Variants in NT5C2 observed in about 807,000 individuals in gnomAD.
The protein encoded by NT5C2 is cytosolic purine 5'-nucleotidase.
A neutral mutation model predicts 76.1 loss-of-function variants in NT5C2; 58 were observed. That is an observed-to-expected ratio of 0.76 (90% confidence interval 0.62 to 0.95). The LOEUF (loss-of-function observed/expected upper bound fraction) is 0.95, where lower values mean the gene tolerates loss of function less well. Among genes scored for constraint, NT5C2 ranks in the 40% least tolerant of loss-of-function variants. The pLI, the probability that NT5C2 is intolerant of heterozygous loss-of-function variation, is 0.00. For synonymous variants in NT5C2, 229 were observed against 237.4 expected (o/e 0.96, Z 0.32); for missense variants, 478 against 690.3 (o/e 0.69, Z 3.45).
intron 1 of NT5C2, among the ~76,000 whole-genome samples, chr10:103,184,658 A>C (rs936297905): frequency 6.6e-6 from 1 of 152,234 alleles, no homozygotes; most frequent in Non-Finnish European, 1.5e-5. Context: ...TTTTTGTGTA[A>C]GCCTGAAAAT....
chr10:103,155,643 C>A (rs1465851683), intron 3 of NT5C2, among the ~76,000 whole-genome samples: 1 of 152,118 alleles, frequency 6.6e-6, no homozygotes, highest in Non-Finnish European at 1.5e-5. Flanking sequence ...GAGCCATGAT[C>A]ACACCACTGC....
At chr10:103,178,191 C>G (rs551029005) in intron 2 of NT5C2, among the ~76,000 whole-genome samples, 1 of 152,200 alleles carries the variant, frequency 6.6e-6, no homozygotes. Flanking sequence ...TTAATCCACA[C>G]GTCTCATCAT....
At position 103,088,472 on chromosome 10, in the gene NT5C2, C is replaced by T. The variant is rs1289743999; in HGVS notation, c.*1200G>A. 6.6e-6 allele frequency: 1 copy of T among 152,302 alleles called. No homozygotes were observed. The highest frequency in any genetic ancestry group is 1.5e-5 in the Non-Finnish European group (1 of 68,104). 9.4% of individuals were successfully genotyped at this position (152,302 alleles called of 1,614,324 possible). ...CAATCCTGGCTCACTGCAACCTCCG[C>T]CTCCTGGGTTCAAGCAATTCTCCTG... On this transcript the variant is annotated 3_prime_UTR_variant, in exon 19 of 19. Transcript: ENST00000404739.
intron 2 of NT5C2, chr10:103,175,683 G>T: frequency 4.2e-6 from 1 of 236,396 alleles, no homozygotes; most frequent in Non-Finnish European, 8.7e-6. Context: ...TCTCCCAAGG[G>T]TGAAGGAGTG....
At chr10:103,093,670 G>A (rs1208464922) in intron 14 of NT5C2, 2 of 395,926 alleles carry the variant, frequency 5.1e-6, no homozygotes, top group Non-Finnish European at 9.1e-6. Flanking sequence ...GGAACTCCTT[G>A]AGAAACCCTT....
At chr10:103,124,566 G>A (rs189005326) in intron 4 of NT5C2, among the ~76,000 whole-genome samples, 2 of 152,090 alleles carry the variant, frequency 1.3e-5, no homozygotes, top group African/African-American at 2.4e-5. Context: ...GACAAAGAGT[G>A]CACTAGTCAC....
At position 103,156,862 on chromosome 10, in the gene NT5C2, C is replaced by G. The variant is rs779493663; in HGVS notation, c.102-17383G>C. Among the ~76,000 whole-genome samples, 13 of 151,592 alleles carry G rather than the reference C, an allele frequency of 8.6e-5. No homozygotes were observed. In the Middle Eastern group the frequency reaches 0.017, roughly 201 times the overall value. On this transcript the variant is annotated intron_variant, in intron 3 of 18. Coordinates refer to ENST00000404739, the MANE Select transcript of NT5C2 (RefSeq NM_001351169.2). Reference sequence around the variant, plus strand: ...CACGAGGTCAGGAGATGGAGACCATCCTGGCTAGCACAGTGAAATCCCATC... The same window carrying G: ...CACGAGGTCAGGAGATGGAGACCATGCTGGCTAGCACAGTGAAATCCCATC...
chr10:103,116,571 TTTC>T (rs1448371722), intron 4 of NT5C2, among the ~76,000 whole-genome samples: 107 of 148,668 alleles, frequency 7.2e-4, no homozygotes, highest in African/African-American at 2.5e-3. Flanking sequence ...TTCAGATTTT[TTTC>T]TTTTTTTTTT....
chr10:103,193,225 G>C lies in NT5C2; in HGVS notation c.-169+11C>G, dbSNP rs1305536496. ...CCTTCCCCGCCCGCCCACGGGGCCC[G>C]CCGCACTCACCGGCTCCAGCGCACC... On this transcript the variant is annotated intron_variant, in intron 1 of 18. Coordinates refer to ENST00000404739, the MANE Select transcript of NT5C2 (RefSeq NM_001351169.2). 2.7e-5 allele frequency: 4 copies of C among 150,650 alleles called. No homozygotes were observed. Among genetic ancestry groups the C allele is most frequent in the East Asian group, 2.0e-4 (1 of 5,060 alleles). The allele number at this position is 150,650 out of a possible 1,614,324, so 9.3% of individuals were successfully genotyped here.
chr10:103,116,581 T>C (rs2074384618), intron 4 of NT5C2, among the ~76,000 whole-genome samples: 1 of 133,870 alleles, frequency 7.5e-6, no homozygotes, highest in African/African-American at 2.8e-5. Flanking sequence ...TTTCTTTTTT[T>C]TTTTTCTTTT....
chr10:103,105,600 A>T (rs1310725154), intron 6 of NT5C2, 106 bp downstream of exon 6: 28 of 793,658 alleles, frequency 3.5e-5, no homozygotes, highest in Non-Finnish European at 5.4e-5. Context: ...TTTGCTCTTT[A>T]ATGATGAAAA....
intron 4 of NT5C2, among the ~76,000 whole-genome samples, chr10:103,111,056 G>C (rs116134192): frequency 6.8e-4 from 104 of 152,280 alleles, no homozygotes; most frequent in African/African-American, 2.4e-3. Context: ...TATCTCCTCA[G>C]ACTTAGAGCT....
intron 2 of NT5C2, among the ~76,000 whole-genome samples, chr10:103,178,734 G>A (rs532921598): frequency 6.6e-6 from 1 of 150,800 alleles, no homozygotes; most frequent in South Asian, 2.1e-4. Flanking sequence ...GGTGGCTGAC[G>A]CAGGAGAATC....
chr10:103,161,480 C>T (rs2084872101), intron 3 of NT5C2, among the ~76,000 whole-genome samples: 2 of 152,148 alleles, frequency 1.3e-5, no homozygotes, highest in Admixed American at 1.3e-4. Context: ...CTGTGCCTGA[C>T]CAATAGAATA....
At chr10:103,098,606 C>A (rs2068775981) in intron 10 of NT5C2, 1 of 232,984 alleles carries the variant, frequency 4.3e-6, no homozygotes, top group Admixed American at 5.6e-5. Flanking sequence ...TGCATGTAAT[C>A]ACTTAGCATG....
intron 3 of NT5C2, among the ~76,000 whole-genome samples, chr10:103,142,554 C>G (rs1219387863): frequency 5.9e-5 from 9 of 152,022 alleles, no homozygotes; most frequent in Non-Finnish European, 1.3e-4. Context: ...GCCTGTAGTC[C>G]CAGTTACTCG....
intron 3 of NT5C2, among the ~76,000 whole-genome samples, chr10:103,173,112 G>A (rs891052554): frequency 9.2e-5 from 14 of 152,142 alleles, no homozygotes; most frequent in Admixed American, 9.2e-4. Flanking sequence ...GTCTACCAAA[G>A]TGCTGGGATT....
chr10:103,122,702 C>T (rs1331441213), intron 4 of NT5C2, among the ~76,000 whole-genome samples: 1 of 152,170 alleles, frequency 6.6e-6, no homozygotes, highest in Non-Finnish European at 1.5e-5. Context: ...TCCCCTAAAG[C>T]AGGTCATACT....
intron 3 of NT5C2, among the ~76,000 whole-genome samples, chr10:103,164,998 T>C (rs546242738): frequency 3.3e-5 from 5 of 152,234 alleles, no homozygotes; most frequent in South Asian, 2.1e-4. Flanking sequence ...CTGTACTCCA[T>C]AGTGGTATCA....
Sources: allele counts gnomAD v4.1 joint callset (sites outside exome capture counted in the v4.1 genomes callset), GRCh38; gene constraint gnomAD v4.1.1; transcripts MANE v1.5; gene names NCBI Gene and HGNC (gene_info 2026-07-23, HGNC 2026-07-21).